ASIC2: variants seen among roughly 807,000 people sequenced by gnomAD.
ASIC2 encodes the protein acid-sensing ion channel 2.
Under a neutral mutation model 57.3 loss-of-function variants are expected in ASIC2, and 25 were observed. The observed-to-expected ratio is 0.44, with a 90% CI of 0.32 to 0.61. The LOEUF is 0.61. ASIC2 is among the 20% of genes least tolerant of loss of function. ASIC2 has a pLI of 0.06. For missense variants in ASIC2, 641 were observed against 738.1 expected (o/e 0.87, Z 1.52); for synonymous variants, 319 against 307.5 (o/e 1.04, Z -0.39).
chr17:33,355,237 G>T (rs1044392190), intron 1 of ASIC2, among the ~76,000 whole-genome samples: 11 of 152,186 alleles, frequency 7.2e-5, no homozygotes, highest in Non-Finnish European at 1.5e-4. Flanking sequence ...GGAAGCTGAG[G>T]CAGGACAATC....
intron 1 of ASIC2, among the ~76,000 whole-genome samples, chr17:33,524,240 G>T (rs577265562): frequency 6.6e-6 from 1 of 152,284 alleles, no homozygotes; most frequent in East Asian, 1.9e-4. Context: ...CCGTTGTTGG[G>T]TTCCTTATAT....
chr17:33,272,794 T>G (rs1010030034), intron 1 of ASIC2, among the ~76,000 whole-genome samples: 1 of 152,222 alleles, frequency 6.6e-6, no homozygotes, highest in Non-Finnish European at 1.5e-5. Flanking sequence ...GATTATCTCT[T>G]TGGTTTCTCA....
chr17:34,155,115 C>T (rs542971387), intron 1 of ASIC2, among the ~76,000 whole-genome samples: 5 of 152,090 alleles, frequency 3.3e-5, no homozygotes, highest in Admixed American at 2.0e-4. Flanking sequence ...CAGCTGTTCG[C>T]CCCCTCCCTG....
At chr17:33,899,643 A>G (rs954768616) in intron 1 of ASIC2, among the ~76,000 whole-genome samples, 2 of 152,198 alleles carry the variant, frequency 1.3e-5, no homozygotes, top group Admixed American at 1.3e-4. Context: ...TCCCTTCTCT[A>G]TAAGAGGGCC....
At position 33,723,581 on chromosome 17, in the gene ASIC2, G is replaced by A. The variant is rs890408079; in HGVS notation, c.555+432397C>T. On this transcript the variant is annotated intron_variant, in intron 1 of 9. Coordinates refer to the ASIC2 transcript ENST00000359872. ...TGGCCTCAAGTGATTTTCCTGCCTCGGCATCCCAAAGTGCTGGGATTACAG... is the reference window on the plus strand; with the variant it reads ...TGGCCTCAAGTGATTTTCCTGCCTCAGCATCCCAAAGTGCTGGGATTACAG... Among the ~76,000 whole-genome samples the A allele has an allele frequency of 5.9e-5, 9 of 152,190 alleles. No individual in the cohort carries two copies. In the South Asian group the frequency reaches 8.3e-4, roughly 14 times the overall value.
intron 1 of ASIC2, among the ~76,000 whole-genome samples, chr17:33,776,749 C>T (rs984185608): frequency 4.6e-5 from 7 of 152,184 alleles, no homozygotes; most frequent in Non-Finnish European, 7.3e-5. Context: ...TTCACACCCT[C>T]GCTCTGTGAC....
chr17:33,578,827 G>A (rs902422016), intron 1 of ASIC2, among the ~76,000 whole-genome samples: 4 of 152,156 alleles, frequency 2.6e-5, no homozygotes, highest in African/African-American at 7.2e-5. Flanking sequence ...TTCAGGGACT[G>A]TAATTAAACT....
At chr17:34,065,752 G>A (rs572693204) in intron 1 of ASIC2, among the ~76,000 whole-genome samples, 1 of 152,028 alleles carries the variant, frequency 6.6e-6, no homozygotes, top group East Asian at 2.0e-4. Flanking sequence ...AGGAAAACAG[G>A]GGCATGCAAC....
intron 2 of ASIC2, among the ~76,000 whole-genome samples, chr17:33,101,714 A>T (rs754288800): frequency 3.3e-5 from 5 of 152,120 alleles, no homozygotes; most frequent in Non-Finnish European, 7.4e-5. Flanking sequence ...CCCTCCAAAT[A>T]TAGTGATATG....
At chr17:33,951,354 G>T (rs1904556534) in intron 1 of ASIC2, among the ~76,000 whole-genome samples, 1 of 152,010 alleles carries the variant, frequency 6.6e-6, no homozygotes, top group Admixed American at 6.5e-5. Context: ...ATAAAAGGTA[G>T]AACTGAGATT....
intron 1 of ASIC2, among the ~76,000 whole-genome samples, chr17:33,871,457 C>T (rs887423733): frequency 1.3e-5 from 2 of 152,220 alleles, no homozygotes; most frequent in Non-Finnish European, 2.9e-5. Context: ...TCTTCACTTT[C>T]TGACTTTCCC....
intron 1 of ASIC2, among the ~76,000 whole-genome samples, chr17:33,723,018 A>G (rs1184010119): frequency 3.3e-5 from 5 of 152,184 alleles, no homozygotes; most frequent in Non-Finnish European, 5.9e-5. Flanking sequence ...TAACAAAGGT[A>G]AAAATCTGCC....
At chr17:33,271,125 C>T (rs1479003495) in intron 1 of ASIC2, among the ~76,000 whole-genome samples, 1 of 152,148 alleles carries the variant, frequency 6.6e-6, no homozygotes, top group Admixed American at 6.5e-5. Context: ...GCTGACCACG[C>T]CCCATTTGTA....
chr17:34,109,575 A>G (rs1470100585), intron 1 of ASIC2, among the ~76,000 whole-genome samples: 3 of 152,166 alleles, frequency 2.0e-5, no homozygotes, highest in Non-Finnish European at 4.4e-5. Flanking sequence ...GTAAATGAGA[A>G]TTTCTCTTGA....
intron 1 of ASIC2, among the ~76,000 whole-genome samples, chr17:33,199,644 G>C (rs1906776705): frequency 6.6e-6 from 1 of 152,152 alleles, no homozygotes; most frequent in South Asian, 2.1e-4. Context: ...GCTTGAACAT[G>C]GCCCTGCTCT....
intron 1 of ASIC2, among the ~76,000 whole-genome samples, chr17:33,755,931 T>A (rs1910590715): frequency 6.6e-6 from 1 of 152,124 alleles, no homozygotes; most frequent in Non-Finnish European, 1.5e-5. Context: ...CCCCTCAACA[T>A]GGTGATGGAT....
At chr17:33,992,389 C>T (rs1906025673) in intron 1 of ASIC2, among the ~76,000 whole-genome samples, 1 of 152,184 alleles carries the variant, frequency 6.6e-6, no homozygotes, top group Admixed American at 6.5e-5. Context: ...TTTCTAAGGT[C>T]TGTCTCTCGT....
chr17:33,405,277 G>T (rs1469693521), intron 1 of ASIC2, among the ~76,000 whole-genome samples: 2 of 152,030 alleles, frequency 1.3e-5, no homozygotes, highest in Admixed American at 6.5e-5. Flanking sequence ...GGCTGCTTTG[G>T]ATGTTATGGG....
intron 3 of ASIC2, among the ~76,000 whole-genome samples, chr17:33,073,699 G>A (rs897342209): frequency 3.3e-5 from 5 of 152,226 alleles, no homozygotes; most frequent in Admixed American, 3.3e-4. Flanking sequence ...CTCATGGCAG[G>A]AGAAGATGTT....
Sources: gnomAD v4.1 joint callset for allele counts (sites outside exome capture counted in the v4.1 genomes callset) on GRCh38, gnomAD v4.1.1 for gene constraint, MANE v1.5 for transcripts, NCBI Gene and HGNC (gene_info 2026-07-23, HGNC 2026-07-21) for gene names.